The following ANKRD36B variants were observed in gnomAD, a reference collection of about 807,000 sequenced individuals.
ANKRD36B encodes ankyrin repeat domain 36B, also known as ankyrin repeat domain-containing protein 36B.
Under a neutral mutation model 135.7 loss-of-function variants are expected in ANKRD36B, and 37 were observed. The observed-to-expected ratio is 0.27, with a 90% CI of 0.21 to 0.36. The LOEUF is 0.36. Among genes scored for constraint, ANKRD36B ranks in the 10% least tolerant of loss-of-function variants. The pLI is 1.00. For synonymous variants in ANKRD36B, 179 were observed against 348.1 expected, an observed-to-expected ratio of 0.51 and a Z score of 5.41; for missense variants, 549 against 1,037.1, an observed-to-expected ratio of 0.53 and a Z score of 6.46.
In ANKRD36B at chr2:97,526,804, G is replaced by A. The variant is rs2078239739; in HGVS notation, c.2266-3337C>T. Among the ~76,000 whole-genome samples, 2 of 96,920 alleles carry A rather than the reference G, an allele frequency of 2.1e-5. 1 individual carries two copies. The highest frequency in any genetic ancestry group is 1.8e-4 in the Admixed American group (2 of 11,000). 63.6% of individuals were successfully genotyped at this position (96,920 alleles called of 152,430 possible). ...CGATCAACTGGAAGAAAGGGTATCA[G>A]TGATGGAACATGAAATGAATGAAAT... On this transcript the variant is annotated intron_variant, in intron 35 of 43. Transcript: ENST00000359901.
At chr2:97,533,919 G>A (rs184689320) in intron 34 of ANKRD36B, among the ~76,000 whole-genome samples, 1 of 94,684 alleles carries the variant, frequency 1.1e-5, no homozygotes, top group African/African-American at 3.2e-5. Flanking sequence ...AGCCAGGCAT[G>A]GTGTCATGTG....
chr2:97,549,448 T>C lies in ANKRD36B; in HGVS notation c.1448A>G (p.Glu483Gly), dbSNP rs1839230. The C allele has an allele frequency of 0.092, 146,001 of 1,578,726 alleles. 9,175 individuals are homozygous for C. The highest frequency in any genetic ancestry group is 0.43 in the African/African-American group (31,054 of 73,014). Residue 483 changes from glutamate to glycine, a missense_variant, in exon 20 of 44, where the codon GAA becomes GGA. Transcript: ENST00000359901. ...KEDSVLNIAR[E>G]KKDGEKSRTV... is the part of the protein sequence containing the mutation. ...CCTAGATTTTTCTCCATCCTTTTTT[T>C]CTCTGGCTATATTCAAAACAGAATC... is the stretch of plus-strand genomic sequence containing the variant.
intron 22 of ANKRD36B, 114 bp downstream of exon 22, chr2:97,547,422 G>T (rs2079572599): frequency 1.4e-5 from 16 of 1,141,742 alleles, no homozygotes; most frequent in Non-Finnish European, 1.9e-5. Flanking sequence ...AAGAATCTCA[G>T]GACTGCTGAA....
At chr2:97,565,131 T>C (rs539925468) in intron 6 of ANKRD36B, among the ~76,000 whole-genome samples, 2 of 152,276 alleles carry the variant, frequency 1.3e-5, no homozygotes, top group East Asian at 1.9e-4. Context: ...TTTGTAGCAA[T>C]TGTGTATCGG....
rs777067867 is a variant in ANKRD36B at position 97,589,602 on chromosome 2, G to A, written c.84C>T (p.Val28=). ...TCAGTTTCTCCAGATTACCACGTAA[G>A]ACAGCTCTGTGGATCCTCTTCAGAT... ...PYHLKRIHRA[V]LRGNLEKLKY... Residue 28 remains valine, a synonymous_variant, in exon 1 of 44, where the codon GTC becomes GTT. Coordinates refer to ENST00000359901, the MANE Select transcript of ANKRD36B (RefSeq NM_001393939.1). The A allele has an allele frequency of 1.2e-5, 20 of 1,614,092 alleles. No individual in the cohort carries two copies. The East Asian group carries it at 4.2e-4, about 34-fold the overall frequency.
At chr2:97,562,249 A>G (rs1486314784) in intron 6 of ANKRD36B, among the ~76,000 whole-genome samples, 2 of 151,810 alleles carry the variant, frequency 1.3e-5, no homozygotes. Flanking sequence ...CATAATACAT[A>G]TATATACATA....
At chr2:97,582,826 C>T (rs2082714106) in intron 3 of ANKRD36B, among the ~76,000 whole-genome samples, 1 of 151,938 alleles carries the variant, frequency 6.6e-6, no homozygotes, top group Admixed American at 6.6e-5. Flanking sequence ...AGTCATAATA[C>T]CCACTTTGAG....
intron 6 of ANKRD36B, among the ~76,000 whole-genome samples, chr2:97,561,357 C>A (rs1166747059): frequency 6.6e-6 from 1 of 151,806 alleles, no homozygotes; most frequent in Non-Finnish European, 1.5e-5. Flanking sequence ...TAGTTGAAAT[C>A]TCTTCAGTGG....
At chr2:97,550,536 C>T (rs1228571348) in intron 18 of ANKRD36B, among the ~76,000 whole-genome samples, 4 of 151,782 alleles carry the variant, frequency 2.6e-5, no homozygotes, top group Admixed American at 2.6e-4. Flanking sequence ...GAGGTAGCTC[C>T]TTGAACAAGG....
intron 22 of ANKRD36B, among the ~76,000 whole-genome samples, chr2:97,546,345 C>T (rs1384753294): frequency 6.6e-6 from 1 of 151,686 alleles, no homozygotes; most frequent in Non-Finnish European, 1.5e-5. Flanking sequence ...TTCAGTTGAA[C>T]GTACACTTCA....
Position 97,559,151 on chromosome 2 carries a change from A to G in ANKRD36B, c.866-157T>C, listed in dbSNP as rs539575068. On this transcript the variant is annotated intron_variant, in intron 8 of 43. Transcript: ENST00000359901. ...TTGTCTGGAGACTGGAACATGACAGAAATACACTGAAAAAAAAGGAATACA... is the reference window on the plus strand; with the variant it reads ...TTGTCTGGAGACTGGAACATGACAGGAATACACTGAAAAAAAAGGAATACA... 4.7e-4 allele frequency among the ~76,000 whole-genome samples: 71 copies of G among 151,948 alleles called. 1 individual carries two copies. The highest frequency in any genetic ancestry group is 8.1e-4 in the Non-Finnish European group (55 of 67,858).
chr2:97,494,110 G>A (rs2969855), intron 43 of ANKRD36B, among the ~76,000 whole-genome samples: 3 of 106,744 alleles, frequency 2.8e-5, no homozygotes, highest in African/African-American at 5.3e-5. Context: ...ATTATCAGGT[G>A]TTTTTATAGC....
rs536544431 is a variant in ANKRD36B at position 97,508,923 on chromosome 2, T to G, written c.3873+658A>C. On this transcript the variant is annotated intron_variant, in intron 40 of 43. Coordinates refer to ENST00000359901, the MANE Select transcript of ANKRD36B (RefSeq NM_001393939.1). ...ACCTTCTATAACCCCCTTTTTAGTTTAGCTTTTTCTACAAATAAGAGAAAA... is the reference window on the plus strand; with the variant it reads ...ACCTTCTATAACCCCCTTTTTAGTTGAGCTTTTTCTACAAATAAGAGAAAA... Among the ~76,000 whole-genome samples the G allele has an allele frequency of 4.6e-5, 5 of 109,370 alleles. 2 individuals carry two copies. Among genetic ancestry groups the G allele is most frequent in the Non-Finnish European group, 1.3e-4 (5 of 38,234 alleles). 71.8% of individuals were successfully genotyped at this position (109,370 alleles called of 152,430 possible). A position where few individuals can be genotyped will look rare whatever the true frequency, so the allele number is the denominator to read the frequency against.
intron 6 of ANKRD36B, among the ~76,000 whole-genome samples, chr2:97,565,361 T>G (rs1459153128): frequency 6.6e-6 from 1 of 151,968 alleles, no homozygotes; most frequent in East Asian, 1.9e-4. Flanking sequence ...TTTCTTTCTC[T>G]TGCCTGATTA....
chr2:97,536,741 A>G (rs2078909826), intron 32 of ANKRD36B, among the ~76,000 whole-genome samples: 3 of 97,138 alleles, frequency 3.1e-5, no homozygotes, highest in Admixed American at 9.1e-5. Flanking sequence ...TTGCTAAAAA[A>G]AAGTGTTAAT....
chr2:97,581,869 C>T (rs1009929675), intron 3 of ANKRD36B, among the ~76,000 whole-genome samples: 2 of 152,076 alleles, frequency 1.3e-5, no homozygotes, highest in African/African-American at 4.8e-5. Flanking sequence ...GTGGTGCCAT[C>T]TCGGCTCACT....
At chr2:97,574,285 A>G (rs1008596484) in intron 6 of ANKRD36B, among the ~76,000 whole-genome samples, 14 of 152,208 alleles carry the variant, frequency 9.2e-5, no homozygotes, top group African/African-American at 3.1e-4. Flanking sequence ...AACACATGAA[A>G]AAATGCTCAT....
intron 16 of ANKRD36B, among the ~76,000 whole-genome samples, chr2:97,552,249 T>C (rs936120197): frequency 3.3e-5 from 5 of 152,010 alleles, no homozygotes; most frequent in Non-Finnish European, 7.4e-5. Context: ...CACTTTTTCA[T>C]TCAGAAATCA....
chr2:97,565,417 C>T (rs1425692485), intron 6 of ANKRD36B, among the ~76,000 whole-genome samples: 1 of 152,078 alleles, frequency 6.6e-6, no homozygotes, highest in Non-Finnish European at 1.5e-5. Flanking sequence ...AACAGGCAAC[C>T]TACAGAATGG....
Sources: allele counts gnomAD v4.1 joint callset (sites outside exome capture counted in the v4.1 genomes callset), GRCh38; gene constraint gnomAD v4.1.1; transcripts MANE v1.5; gene names NCBI Gene and HGNC (gene_info 2026-07-23, HGNC 2026-07-21).